Variants in AACS observed in about 807,000 individuals in gnomAD.
AACS encodes acetoacetyl-CoA synthetase, also known as acetoacetate-CoA ligase.
A neutral mutation model predicts 83.1 loss-of-function variants in AACS; 69 were observed. The ratio of observed to expected loss-of-function variants is 0.83; its 90% CI spans 0.68 to 1.01. AACS has a LOEUF of 1.01. Among genes scored for constraint, AACS ranks in the 50% least tolerant of loss-of-function variants. AACS has a pLI of 0.00. For synonymous variants in AACS, 333 were observed against 343.4 expected (o/e 0.97, Z 0.33); for missense variants, 866 against 882.2 (o/e 0.98, Z 0.23).
At chr12:125,125,578 T>C (rs1957234370) in intron 12 of AACS, among the ~76,000 whole-genome samples, 1 of 152,224 alleles carries the variant, frequency 6.6e-6, no homozygotes, top group Non-Finnish European at 1.5e-5. Flanking sequence ...AGTATGGATC[T>C]GGAGGTGTAA....
intron 8 of AACS, among the ~76,000 whole-genome samples, chr12:125,112,204 A>T (rs1232208000): frequency 6.6e-6 from 1 of 152,170 alleles, no homozygotes; most frequent in Non-Finnish European, 1.5e-5. Flanking sequence ...ACAGATTGTC[A>T]TGTAACTTTC....
At chr12:125,069,521 C>G (rs1367745577) in intron 1 of AACS, among the ~76,000 whole-genome samples, 2 of 152,222 alleles carry the variant, frequency 1.3e-5, no homozygotes, top group African/African-American at 4.8e-5. Context: ...TGCACATCCA[C>G]GTGGGGCTCT....
chr12:125,100,228 A>G (rs1413733331), intron 5 of AACS, among the ~76,000 whole-genome samples: 1 of 152,238 alleles, frequency 6.6e-6, no homozygotes, highest in East Asian at 1.9e-4. Flanking sequence ...TGTTGGGATT[A>G]CAGGCGCGAG....
intron 1 of AACS, among the ~76,000 whole-genome samples, chr12:125,066,867 C>A (rs1955715396): frequency 6.6e-6 from 1 of 152,126 alleles, no homozygotes; most frequent in Non-Finnish European, 1.5e-5. Flanking sequence ...ATGGACACCC[C>A]AGTCACCTGT....
At chr12:125,069,174 C>T (rs758806209) in intron 1 of AACS, among the ~76,000 whole-genome samples, 2 of 152,168 alleles carry the variant, frequency 1.3e-5, no homozygotes, top group Non-Finnish European at 2.9e-5. Flanking sequence ...ACAGTGCCCG[C>T]GAACTCGTAT....
chr12:125,133,765 G>A (rs1040426022), intron 14 of AACS, among the ~76,000 whole-genome samples: 2 of 152,220 alleles, frequency 1.3e-5, no homozygotes, highest in Non-Finnish European at 2.9e-5. Flanking sequence ...GTCCTTGCTG[G>A]TGCCTGAGGA....
chr12:125,115,686 A>C (rs1592989744), intron 9 of AACS, among the ~76,000 whole-genome samples: 2 of 146,788 alleles, frequency 1.4e-5, no homozygotes, highest in Admixed American at 6.8e-5. Flanking sequence ...CAACCCCCCC[A>C]CCCCAGTGAC....
chr12:125,089,393 G>A (rs1370033423), intron 4 of AACS, among the ~76,000 whole-genome samples: 2 of 152,162 alleles, frequency 1.3e-5, no homozygotes, highest in African/African-American at 2.4e-5. Context: ...GCTGCACCTC[G>A]CTCTGATGAG....
intron 3 of AACS, chr12:125,078,485 C>T (rs530126409): frequency 5.4e-6 from 2 of 373,826 alleles, no homozygotes; most frequent in South Asian, 2.0e-5. Context: ...TTTGCATGCC[C>T]ACCTGTCTGT....
intron 4 of AACS, among the ~76,000 whole-genome samples, chr12:125,086,855 C>T (rs545474716): frequency 2.7e-5 from 4 of 149,408 alleles, no homozygotes; most frequent in African/African-American, 1.0e-4. Context: ...ACATTCAATA[C>T]GGGCTTGCTG....
At chr12:125,111,876 A>G (rs1956960133) in intron 8 of AACS, among the ~76,000 whole-genome samples, 1 of 152,174 alleles carries the variant, frequency 6.6e-6, no homozygotes, top group African/African-American at 2.4e-5. Context: ...TAACTTGTTA[A>G]GAGTCACACA....
At chr12:125,117,816 T>G (rs1399218082) in intron 9 of AACS, 2 of 151,718 alleles carry the variant, frequency 1.3e-5, no homozygotes, top group Admixed American at 1.3e-4. Context: ...TGAGACCTCA[T>G]CTACAAAAAA....
At chr12:125,136,918 C>G in intron 17 of AACS, 54 bp downstream of exon 17, 3 of 1,572,390 alleles carry the variant, frequency 1.9e-6, no homozygotes, top group Non-Finnish European at 8.7e-7. Flanking sequence ...CACGAGCCCA[C>G]ACATTGAGGG....
chr12:125,093,788 T>C (rs1956543055), intron 5 of AACS, among the ~76,000 whole-genome samples: 1 of 152,232 alleles, frequency 6.6e-6, no homozygotes, highest in African/African-American at 2.4e-5. Flanking sequence ...GTCCGAGGTA[T>C]AGACTCCATC....
chr12:125,115,729 C>G (rs531266057), intron 9 of AACS, among the ~76,000 whole-genome samples: 2 of 152,114 alleles, frequency 1.3e-5, no homozygotes, highest in Admixed American at 6.5e-5. Context: ...TCAGACCCCC[C>G]ACCCATGACC....
rs1440953799 is a variant in AACS at position 125,142,643 on chromosome 12, C to T, written c.*414C>T. 1.3e-5 allele frequency: 2 copies of T among 159,348 alleles called. No homozygotes were observed. Among genetic ancestry groups the T allele is most frequent in the African/African-American group, 2.4e-5 (1 of 41,670 alleles). 9.9% of individuals were successfully genotyped at this position (159,348 alleles called of 1,614,324 possible). ...CTTTCTTCCCTTCCCATCTCAGGCT[C>T]TCCTGTTTTCCCTCAGGGTCCAGTA... On this transcript the variant is annotated 3_prime_UTR_variant, in exon 18 of 18. Transcript: ENST00000316519.
intron 9 of AACS, among the ~76,000 whole-genome samples, chr12:125,115,685 C>G (rs60751847): frequency 2.6e-5 from 4 of 152,096 alleles, no homozygotes; most frequent in Non-Finnish European, 4.4e-5. Context: ...ACAACCCCCC[C>G]ACCCCAGTGA....
intron 5 of AACS, among the ~76,000 whole-genome samples, chr12:125,092,071 G>A (rs986021393): frequency 1.3e-5 from 2 of 152,196 alleles, no homozygotes; most frequent in African/African-American, 2.4e-5. Flanking sequence ...CCGGAAGCAT[G>A]TGCTGATCCC....
intron 10 of AACS, chr12:125,119,773 G>C (rs1297821903): frequency 6.6e-6 from 1 of 152,260 alleles, no homozygotes; most frequent in African/African-American, 2.4e-5. Flanking sequence ...GAGATGAAGT[G>C]AGGTGAAGGC....
Sources: gnomAD v4.1 joint callset for allele counts (sites outside exome capture counted in the v4.1 genomes callset) on GRCh38, gnomAD v4.1.1 for gene constraint, MANE v1.5 for transcripts, NCBI Gene and HGNC (gene_info 2026-07-23, HGNC 2026-07-21) for gene names.